Variants in CFAP210 observed in about 807,000 individuals in gnomAD.
CFAP210 encodes the protein cilia and flagella associated protein 210, also known as cilia- and flagella- associated protein 210.
At chr2:169,679,472 A>C in the CFAP210 span, among the ~76,000 whole-genome samples, 3 of 152,038 alleles carry the variant, frequency 2.0e-5, no homozygotes, top group East Asian at 5.8e-4. Flanking sequence ...AGGTCAGGAT[A>C]TCAAGACCAT....
At chr2:169,682,730 T>G in the CFAP210 span, among the ~76,000 whole-genome samples, 1 of 152,178 alleles carries the variant, frequency 6.6e-6, no homozygotes, top group Non-Finnish European at 1.5e-5. Flanking sequence ...GCCACAGGCA[T>G]AACAAAGGTA....
chr2:169,649,121 G>A, the CFAP210 span: 3 of 1,397,882 alleles, frequency 2.1e-6, no homozygotes. Context: ...TAGAAAACTA[G>A]CATGAATTCT....
At chr2:169,659,126 A>C in the CFAP210 span, 1 of 152,222 alleles carries the variant, frequency 6.6e-6, no homozygotes, top group African/African-American at 2.4e-5. Context: ...CTCAAAAAAT[A>C]AAATAAATAA....
At chr2:169,681,083 C>T in the CFAP210 span, 19 of 1,613,750 alleles carry the variant, frequency 1.2e-5, no homozygotes, top group Non-Finnish European at 1.5e-5. Flanking sequence ...TCTTTCTGCA[C>T]GGAGGCATGC....
At chr2:169,665,031 A>G in the CFAP210 span, among the ~76,000 whole-genome samples, 1 of 152,358 alleles carries the variant, frequency 6.6e-6, no homozygotes, top group South Asian at 2.1e-4. Context: ...AGAGCTGGGC[A>G]GGCACAAGTA....
chr2:169,658,081 A>G, the CFAP210 span: 1 of 152,244 alleles, frequency 6.6e-6, no homozygotes, highest in Admixed American at 6.5e-5. Context: ...GGAGTAAATC[A>G]AGAAAGAAAA....
At chr2:169,645,758 A>AG in the CFAP210 span, 1 of 848,392 alleles carries the variant, frequency 1.2e-6, no homozygotes, top group Non-Finnish European at 1.8e-6. Flanking sequence ...GATGAAGAAC[A>AG]GCTTTATTAA....
the CFAP210 span, among the ~76,000 whole-genome samples, chr2:169,663,804 A>C: frequency 1.3e-5 from 2 of 151,890 alleles, no homozygotes; most frequent in Non-Finnish European, 2.9e-5. Flanking sequence ...AATAAAAAAA[A>C]AAAACCAAGC....
At chr2:169,645,752 A>T in the CFAP210 span, 199 of 823,680 alleles carry the variant, frequency 2.4e-4, 1 homozygote, top group African/African-American at 3.2e-3. Context: ...TACTTAGATG[A>T]AGAACAGCTT....
At chr2:169,667,719 G>T in the CFAP210 span, among the ~76,000 whole-genome samples, 1 of 152,068 alleles carries the variant, frequency 6.6e-6, no homozygotes, top group Non-Finnish European at 1.5e-5. Flanking sequence ...TCAATGAGCA[G>T]TAATATTTTG....
chr2:169,661,384 C>G, the CFAP210 span: 1 of 385,066 alleles, frequency 2.6e-6, no homozygotes, highest in African/African-American at 2.1e-5. Context: ...CTATCCTTAT[C>G]CTTTTATCCT....
chr2:169,649,346 T>C, the CFAP210 span: 4 of 1,608,354 alleles, frequency 2.5e-6, no homozygotes, highest in African/African-American at 4.0e-5. Flanking sequence ...TTATTTTTCA[T>C]CTAGATGTTT....
the CFAP210 span, among the ~76,000 whole-genome samples, chr2:169,655,969 T>C: frequency 6.6e-6 from 1 of 152,192 alleles, no homozygotes; most frequent in African/African-American, 2.4e-5. Context: ...AGGGTAGAAA[T>C]ATGCTCAGCT....
At chr2:169,658,025 C>G in the CFAP210 span, 2 of 152,014 alleles carry the variant, frequency 1.3e-5, no homozygotes, top group African/African-American at 2.4e-5. Flanking sequence ...CTCTCATACA[C>G]CCATTCTTAA....
At chr2:169,648,831 C>A in the CFAP210 span, among the ~76,000 whole-genome samples, 2 of 152,156 alleles carry the variant, frequency 1.3e-5, no homozygotes, top group Non-Finnish European at 2.9e-5. Context: ...TATCTCCATT[C>A]CTCAAATCTG....
At chr2:169,649,073 T>C in the CFAP210 span, 1 of 894,842 alleles carries the variant, frequency 1.1e-6, no homozygotes. Context: ...ATAACCATAA[T>C]GACCATTTTT....
the CFAP210 span, among the ~76,000 whole-genome samples, chr2:169,677,582 C>A: frequency 1.3e-5 from 2 of 152,322 alleles, no homozygotes; most frequent in East Asian, 3.9e-4. Flanking sequence ...TGATTAGGGA[C>A]ATCTACAAAA....
the CFAP210 span, among the ~76,000 whole-genome samples, chr2:169,669,748 C>A: frequency 1.4e-5 from 2 of 146,768 alleles, no homozygotes; most frequent in Admixed American, 1.4e-4. Context: ...GCACTCCAGT[C>A]TGGGCGACAC....
chr2:169,687,230 C>T, the CFAP210 span, among the ~76,000 whole-genome samples: 7 of 152,110 alleles, frequency 4.6e-5, no homozygotes, highest in African/African-American at 1.7e-4. Flanking sequence ...GCCCCTGGCC[C>T]CCTCTAAATC....
Sources: allele counts gnomAD v4.1 joint callset (sites outside exome capture counted in the v4.1 genomes callset), GRCh38; gene constraint gnomAD v4.1.1; transcripts MANE v1.5; gene names NCBI Gene and HGNC (gene_info 2026-07-23, HGNC 2026-07-21).